PRSS35: variants seen among roughly 807,000 people sequenced by gnomAD.
The protein encoded by PRSS35 is inactive serine protease 35.
A neutral mutation model predicts 8.1 loss-of-function variants in PRSS35; 7 were observed. That is an observed-to-expected ratio of 0.86 (90% CI 0.49 to 1.62). PRSS35 has a LOEUF of 1.62. Among genes scored for constraint, PRSS35 ranks in the 40% most tolerant of loss-of-function variants. PRSS35 has a pLI of 0.00. For synonymous variants in PRSS35, 199 were observed against 188.7 expected, an observed-to-expected ratio of 1.05 and a Z score of -0.45; for missense variants, 566 against 518.0, an observed-to-expected ratio of 1.09 and a Z score of -0.90.
At chr6:83,515,932 A>C (rs965397696) in intron 1 of PRSS35, among the ~76,000 whole-genome samples, 1 of 152,028 alleles carries the variant, frequency 6.6e-6, no homozygotes, top group African/African-American at 2.4e-5. Flanking sequence ...CTCCTGCCTC[A>C]GCCTCCCCAG....
intron 1 of PRSS35, among the ~76,000 whole-genome samples, chr6:83,514,500 G>T (rs1398921586): frequency 6.6e-6 from 1 of 151,876 alleles, no homozygotes; most frequent in Non-Finnish European, 1.5e-5. Context: ...CATTTTTTTG[G>T]TCTCCATTTA....
intron 1 of PRSS35, among the ~76,000 whole-genome samples, chr6:83,516,440 G>C (rs1455683736): frequency 1.3e-5 from 2 of 151,822 alleles, no homozygotes; most frequent in Non-Finnish European, 2.9e-5. Context: ...GCCGGGCATG[G>C]TGGCGGGCGC....
At chr6:83,520,193 C>T (rs1160497436) in intron 1 of PRSS35, among the ~76,000 whole-genome samples, 1 of 152,162 alleles carries the variant, frequency 6.6e-6, no homozygotes, top group East Asian at 1.9e-4. Flanking sequence ...TAATTTTGTA[C>T]ACAGAGATGA....
In PRSS35 at chr6:83,523,727, A is replaced by C. The variant is rs1457048733; in HGVS notation, c.286A>C (p.Thr96Pro). ...TVFENGTRTL[T>P]RVKVQDLVLE... ...CTTTGAGAATGGCACCCGAACCTTA[A>C]CCAGGGTGAAAGTTCAAGATTTGGT... Residue 96 changes from threonine (T) to proline (P), a missense_variant, in exon 2 of 2, where the codon ACC becomes CCC. Coordinates refer to ENST00000369700, the MANE Select transcript of PRSS35 (RefSeq NM_153362.3). 2 of 1,614,194 alleles carry C rather than the reference A, an allele frequency of 1.2e-6. No individual in the cohort carries two copies. Among genetic ancestry groups the C allele is most frequent in the Admixed American group, 3.3e-5 (2 of 60,026 alleles).
chr6:83,524,263 C>T lies in PRSS35; in HGVS notation c.822C>T (p.Asp274=), dbSNP rs1417016903. 1.2e-6 allele frequency: 2 copies of T among 1,614,162 alleles called. No individual in the cohort carries two copies. The highest frequency in any genetic ancestry group is 1.7e-5 in the Admixed American group (1 of 60,018). ...ARGGMGDATL[D]YDYALLELKR... Reference sequence around the variant, plus strand: ...GAGGCATGGGGGACGCTACCTTGGACTATGACTATGCTCTTCTGGAGCTGA... The same window carrying T: ...GAGGCATGGGGGACGCTACCTTGGATTATGACTATGCTCTTCTGGAGCTGA... The change falls in exon 2 of 2, where the codon GAC becomes GAT. Residue 274 remains aspartate, a synonymous_variant. Coordinates refer to ENST00000369700, the MANE Select transcript of PRSS35 (RefSeq NM_153362.3).
intron 1 of PRSS35, 29 bp from the exon 2 acceptor site, chr6:83,523,393 A>G: frequency 6.6e-7 from 1 of 1,510,964 alleles, no homozygotes; most frequent in Middle Eastern, 1.8e-4. Context: ...AGGAAACATT[A>G]TAAACCTCTC....
At chr6:83,516,575 CAAAAA>C (rs70987760) in intron 1 of PRSS35, among the ~76,000 whole-genome samples, 4 of 101,896 alleles carry the variant, frequency 3.9e-5, no homozygotes, top group Non-Finnish European at 4.0e-5. Flanking sequence ...GACTGCGTCT[CAAAAA>C]AAAAAAAAAA....
In PRSS35 at chr6:83,523,783, G is replaced by A; in HGVS notation, c.342G>A (p.Lys114=). Residue 114 remains lysine (K), a synonymous_variant, in exon 2 of 2, where the codon AAG becomes AAA. Transcript: ENST00000369700. The part of the protein sequence containing the change: ...VLEPTQNITT[K]GVSVRRKRQV... ...AGCCGACTCAAAATATCACCACAAA[G>A]GGAGTATCTGTTAGGAGAAAGAGAC... The A allele has an allele frequency of 1.2e-6, 2 of 1,614,158 alleles. No individual in the cohort carries two copies. Among genetic ancestry groups the A allele is most frequent in the Non-Finnish European group, 1.7e-6 (2 of 1,180,038 alleles).
chr6:83,520,271 A>G (rs1771797074), intron 1 of PRSS35, among the ~76,000 whole-genome samples: 1 of 152,160 alleles, frequency 6.6e-6, no homozygotes, highest in Admixed American at 6.5e-5. Flanking sequence ...GGTATGGCTC[A>G]TGTTGCTACA....
chr6:83,516,773 A>G (rs1038394875), intron 1 of PRSS35, among the ~76,000 whole-genome samples: 5 of 152,002 alleles, frequency 3.3e-5, no homozygotes, highest in African/African-American at 7.2e-5. Context: ...ATGATCCTGC[A>G]TTGCTCTGGC....
intron 1 of PRSS35, among the ~76,000 whole-genome samples, chr6:83,515,811 C>T (rs1462166809): frequency 7.1e-6 from 1 of 140,472 alleles, no homozygotes; most frequent in Non-Finnish European, 1.6e-5. Flanking sequence ...CTCCCTACTA[C>T]TACTACTTCT....
chr6:83,514,277 G>A (rs771896397), intron 1 of PRSS35, among the ~76,000 whole-genome samples: 1 of 152,058 alleles, frequency 6.6e-6, no homozygotes, highest in Non-Finnish European at 1.5e-5. Context: ...AGTCCTCTTG[G>A]GGTTCCTTTA....
At position 83,523,673 on chromosome 6, in the gene PRSS35, T is replaced by C. The variant is rs759732383; in HGVS notation, c.232T>C (p.Leu78=). ...ACTCCCAACTCCCAGCCTTTCTGAA[T>C]TGGAGGATTATCTTTCCTATGAGAC... ...KELPTPSLSE[L]EDYLSYETVF... Residue 78 remains leucine (L), a synonymous_variant, in exon 2 of 2, where the codon TTG becomes CTG. Transcript: ENST00000369700. 1 of 1,614,172 alleles carries C rather than the reference T, an allele frequency of 6.2e-7. No individual in the cohort carries two copies. Among genetic ancestry groups the C allele is most frequent in the Non-Finnish European group, 8.5e-7 (1 of 1,180,040 alleles).
At position 83,523,462 on chromosome 6, in the gene PRSS35, G is replaced by T; in HGVS notation, c.21G>T (p.Trp7Cys). MENMLL[W>C]LIFFTPGWTL... ...TCAAAATGGAAAATATGCTGCTTTG[G>T]TTGATATTTTTCACCCCTGGGTGGA... Residue 7 changes from tryptophan to cysteine, a missense_variant, in exon 2 of 2, where the codon TGG becomes TGT. Trp to Cys is a radical substitution (Grantham distance 215). Transcript: ENST00000369700. The T allele has an allele frequency of 1.2e-6, 2 of 1,613,274 alleles. No homozygotes were observed. Among genetic ancestry groups the T allele is most frequent in the Non-Finnish European group, 8.5e-7 (1 of 1,179,638 alleles).
intron 1 of PRSS35, among the ~76,000 whole-genome samples, chr6:83,517,051 CCT>C (rs975129163): frequency 1.2e-4 from 18 of 152,158 alleles, no homozygotes; most frequent in Middle Eastern, 3.2e-3. Flanking sequence ...GTTGGCTCCC[CCT>C]GTTTGATATG....
At position 83,524,486 on chromosome 6, in the gene PRSS35, G is replaced by A. The variant is rs1771898290; in HGVS notation, c.1045G>A (p.Gly349Arg). Reference sequence around the variant, plus strand: ...TGCTGAGTCGGGCTCCACCGGTTCGGGGGTCTATCTGCGTCTGAAAGATCC... The same window carrying A: ...TGCTGAGTCGGGCTCCACCGGTTCGAGGGTCTATCTGCGTCTGAAAGATCC... ...CDAESGSTGSGVYLRLKDPDK... is the reference protein window; with the variant it reads ...CDAESGSTGSRVYLRLKDPDK... The change falls in exon 2 of 2, where the codon GGG (glycine) becomes AGG (arginine). Residue 349 changes from glycine to arginine, a missense_variant. Transcript: ENST00000369700. 6.2e-7 allele frequency: 1 copy of A among 1,614,012 alleles called. No individual in the cohort carries two copies. Among genetic ancestry groups the A allele is most frequent in the Admixed American group, 1.7e-5 (1 of 59,996 alleles).
chr6:83,516,303 G>A (rs897168685), intron 1 of PRSS35, among the ~76,000 whole-genome samples: 9 of 151,788 alleles, frequency 5.9e-5, no homozygotes, highest in Non-Finnish European at 2.9e-5. Context: ...GGCTGGGCAC[G>A]GTGGCTCACG....
chr6:83,524,544 C>T lies in PRSS35; in HGVS notation c.1103C>T (p.Ala368Val), dbSNP rs983020216. Residue 368 changes from alanine to valine, a missense_variant, in exon 2 of 2, where the codon GCG (alanine) becomes GTG (valine). Ala to Val is a moderately conservative substitution (Grantham distance 64). Transcript: ENST00000369700. ...AAGAATTGGAAGCGCAAAATCATTG[C>T]GGTCTACTCAGGGCACCAGTGGGTG... ...DKKNWKRKII[A>V]VYSGHQWVDV... 6 of 1,614,160 alleles carry T rather than the reference C, an allele frequency of 3.7e-6. No individual in the cohort carries two copies. The highest frequency in any genetic ancestry group is 4.2e-6 in the Non-Finnish European group (5 of 1,180,032).
chr6:83,523,289 A>C, intron 1 of PRSS35, 133 bp from the exon 2 acceptor site: 1 of 680,684 alleles, frequency 1.5e-6, no homozygotes, highest in East Asian at 2.7e-5. Flanking sequence ...AATCTCAATA[A>C]AATCTAGGTA....
Sources: gnomAD v4.1 joint callset for allele counts (sites outside exome capture counted in the v4.1 genomes callset) on GRCh38, gnomAD v4.1.1 for gene constraint, MANE v1.5 for transcripts, NCBI Gene and HGNC (gene_info 2026-07-23, HGNC 2026-07-21) for gene names.